Variants in C8orf34 observed in about 807,000 individuals in gnomAD.
The protein encoded by C8orf34 is uncharacterized protein C8orf34.
C8orf34 carries 65 observed loss-of-function variants against 68.3 expected under a neutral mutation model. The ratio of observed to expected loss-of-function variants is 0.95; its 90% CI spans 0.78 to 1.17. The LOEUF is 1.17. Among genes scored for constraint, C8orf34 ranks in the 50% most tolerant of loss-of-function variants. C8orf34 has a pLI of 0.00. For synonymous variants in C8orf34, 244 were observed against 241.2 expected, an observed-to-expected ratio of 1.01 and a Z score of -0.11; for missense variants, 664 against 655.4, an observed-to-expected ratio of 1.01 and a Z score of -0.14.
intron 10 of C8orf34, among the ~76,000 whole-genome samples, chr8:68,742,488 T>A (rs1225574444): frequency 1.3e-5 from 2 of 152,188 alleles, no homozygotes; most frequent in Non-Finnish European, 2.9e-5. Flanking sequence ...TTTCATCCAG[T>A]CTCAGAAGAG....
At position 68,627,877 on chromosome 8, in the gene C8orf34, T is replaced by C. The variant is rs546848924; in HGVS notation, c.1106-12499T>C. On this transcript the variant is annotated intron_variant, in intron 7 of 13. Coordinates refer to ENST00000518698, the MANE Select transcript of C8orf34 (RefSeq NM_052958.4). Reference sequence around the variant, plus strand: ...TTTGGCTATTGAGTTTGGCTATTGATGGTTACATTCAAAGAAATTAAAAAG... The same window carrying C: ...TTTGGCTATTGAGTTTGGCTATTGACGGTTACATTCAAAGAAATTAAAAAG... Among the ~76,000 whole-genome samples, 532 of 152,302 alleles carry C rather than the reference T, an allele frequency of 3.5e-3. 5 individuals carry two copies. The highest frequency in any genetic ancestry group is 0.012 in the African/African-American group (506 of 41,574).
rs563180596 is a variant in C8orf34 at position 68,360,759 on chromosome 8, T to A, written c.327+29420T>A. Among the ~76,000 whole-genome samples, 85 of 148,074 alleles carry A rather than the reference T, an allele frequency of 5.7e-4. No individual in the cohort carries two copies. The South Asian group carries it at 0.018, about 31-fold the overall frequency. The stretch of plus-strand genomic sequence containing the variant: ...TCCCTTTTCCTTTTCTTCCTTTCTT[T>A]TTTTTTTTTTTTTTCTTGAGCCTCG... On this transcript the variant is annotated intron_variant, in intron 1 of 13. Coordinates refer to ENST00000518698, the MANE Select transcript of C8orf34 (RefSeq NM_052958.4).
intron 1 of C8orf34, among the ~76,000 whole-genome samples, chr8:68,409,524 C>T (rs1809354321): frequency 6.6e-6 from 1 of 152,126 alleles, no homozygotes. Flanking sequence ...TATTTTTGTA[C>T]AGCTCTACAA....
intron 6 of C8orf34, among the ~76,000 whole-genome samples, chr8:68,531,220 A>T (rs1393747888): frequency 6.6e-6 from 1 of 152,148 alleles, no homozygotes; most frequent in Non-Finnish European, 1.5e-5. Flanking sequence ...AAGTTATCTA[A>T]TGTAGAGTCC....
At position 68,766,926 on chromosome 8, in the gene C8orf34, G is replaced by A. The variant is rs567460901; in HGVS notation, c.1405-9473G>A. Among the ~76,000 whole-genome samples the A allele has an allele frequency of 6.2e-4, 95 of 152,342 alleles. 1 individual carries two copies. Among genetic ancestry groups the A allele is most frequent in the African/African-American group, 2.2e-3 (93 of 41,566 alleles). On this transcript the variant is annotated intron_variant, in intron 10 of 13. Coordinates refer to ENST00000518698, the MANE Select transcript of C8orf34 (RefSeq NM_052958.4). ...AGGCTGGGCACAGTGGCTCATGTCT[G>A]TAATCCTGGCACTTTGGGAGGCTGA... is the stretch of plus-strand genomic sequence containing the variant.
chr8:68,465,272 A>C (rs1475550961), intron 3 of C8orf34, among the ~76,000 whole-genome samples: 208 of 151,620 alleles, frequency 1.4e-3, no homozygotes, highest in African/African-American at 4.6e-3. Context: ...CACCAGTTAG[A>C]ATGGCAATCA....
At chr8:68,648,276 T>G (rs1298670024) in intron 8 of C8orf34, among the ~76,000 whole-genome samples, 1 of 152,222 alleles carries the variant, frequency 6.6e-6, no homozygotes, top group Non-Finnish European at 1.5e-5. Flanking sequence ...AGGTCAGTAA[T>G]GCAAATTGTC....
chr8:68,669,503 C>A (rs1412379507), intron 8 of C8orf34, among the ~76,000 whole-genome samples: 1 of 152,160 alleles, frequency 6.6e-6, no homozygotes, highest in African/African-American at 2.4e-5. Flanking sequence ...AGTAGGATGG[C>A]TCACAAGAAT....
chr8:68,516,794 C>T (rs1814539123), intron 5 of C8orf34, among the ~76,000 whole-genome samples: 1 of 152,016 alleles, frequency 6.6e-6, no homozygotes, highest in Non-Finnish European at 1.5e-5. Context: ...GCGTGTGCCA[C>T]CACGCCCAGC....
At chr8:68,461,481 T>C (rs377541416) in intron 3 of C8orf34, among the ~76,000 whole-genome samples, 5 of 150,308 alleles carry the variant, frequency 3.3e-5, no homozygotes, top group Admixed American at 6.6e-5. Flanking sequence ...CTCCAAGACA[T>C]ATAATTGTCA....
intron 8 of C8orf34, among the ~76,000 whole-genome samples, chr8:68,641,451 A>G (rs1277880824): frequency 1.3e-5 from 2 of 152,226 alleles, no homozygotes; most frequent in Admixed American, 6.5e-5. Flanking sequence ...GGCATGGCAT[A>G]GCATAGTGAA....
intron 8 of C8orf34, among the ~76,000 whole-genome samples, chr8:68,681,434 A>G (rs556753714): frequency 2.0e-5 from 3 of 152,288 alleles, no homozygotes; most frequent in African/African-American, 7.2e-5. Context: ...ATTGATCACC[A>G]GAGAAATGTG....
At chr8:68,448,436 A>C (rs967700558) in intron 3 of C8orf34, among the ~76,000 whole-genome samples, 2 of 152,190 alleles carry the variant, frequency 1.3e-5, no homozygotes, top group African/African-American at 2.4e-5. Context: ...ATACTTGTTA[A>C]AACAAATTAT....
chr8:68,330,834 G>A, upstream of C8orf34: 4 of 524,698 alleles, frequency 7.6e-6, no homozygotes, highest in Non-Finnish European at 9.7e-6. Context: ...CACCGGTGGC[G>A]AGTTCGAGCC....
chr8:68,797,402 G>T (rs926719902), intron 12 of C8orf34, among the ~76,000 whole-genome samples: 2 of 152,204 alleles, frequency 1.3e-5, no homozygotes, highest in Admixed American at 6.5e-5. Flanking sequence ...ATTGACCCAT[G>T]CTTCACTCAT....
chr8:68,397,552 A>G (rs750214052), intron 1 of C8orf34, among the ~76,000 whole-genome samples: 2 of 152,176 alleles, frequency 1.3e-5, no homozygotes, highest in African/African-American at 4.8e-5. Flanking sequence ...ATTCCAAAGT[A>G]TATGGTATAA....
chr8:68,816,588 T>C (rs1824826444), intron 13 of C8orf34, among the ~76,000 whole-genome samples: 1 of 152,144 alleles, frequency 6.6e-6, no homozygotes, highest in Non-Finnish European at 1.5e-5. Flanking sequence ...CCCTACCAAA[T>C]GGTCACCCAG....
In C8orf34 at chr8:68,362,474, C is replaced by T. The variant is rs113815078; in HGVS notation, c.327+31135C>T. Among the ~76,000 whole-genome samples the T allele has an allele frequency of 6.7e-3, 1,022 of 152,296 alleles. 13 individuals are homozygous for T. Among genetic ancestry groups the T allele is most frequent in the African/African-American group, 0.023 (950 of 41,564 alleles). ...AGTCTACAGCTCCCAGCGTGAGCGACGCAGAAGACGGGTGATTTCTGCATT... is the reference window on the plus strand; with the variant it reads ...AGTCTACAGCTCCCAGCGTGAGCGATGCAGAAGACGGGTGATTTCTGCATT... On this transcript the variant is annotated intron_variant, in intron 1 of 13. Transcript: ENST00000518698.
intron 10 of C8orf34, among the ~76,000 whole-genome samples, chr8:68,741,244 A>T (rs969378851): frequency 6.6e-6 from 1 of 152,226 alleles, no homozygotes; most frequent in South Asian, 2.1e-4. Context: ...AAATAAAAAA[A>T]TTCTTCCGAC....
Sources: gnomAD v4.1 joint callset for allele counts (sites outside exome capture counted in the v4.1 genomes callset) on GRCh38, gnomAD v4.1.1 for gene constraint, MANE v1.5 for transcripts, NCBI Gene and HGNC (gene_info 2026-07-23, HGNC 2026-07-21) for gene names.